Variants in NRG3 observed in about 807,000 individuals in gnomAD.
NRG3 encodes the protein neuregulin 3.
NRG3 carries 31 observed loss-of-function variants against 66.9 expected under a neutral mutation model. The observed-to-expected ratio is 0.46, with a 90% CI of 0.35 to 0.63. The LOEUF is 0.63. Among genes scored for constraint, NRG3 ranks in the 20% least tolerant of loss-of-function variants. NRG3 has a pLI of 0.00. For synonymous variants in NRG3, 393 were observed against 359.4 expected (o/e 1.09, Z -1.06); for missense variants, 910 against 878.9 (o/e 1.04, Z -0.45).
intron 3 of NRG3, among the ~76,000 whole-genome samples, chr10:82,784,853 G>A (rs1158043519): frequency 6.6e-6 from 1 of 152,012 alleles, no homozygotes; most frequent in Non-Finnish European, 1.5e-5. Flanking sequence ...TCCCATTACT[G>A]GGTATATACC....
intron 2 of NRG3, among the ~76,000 whole-genome samples, chr10:82,632,711 G>A (rs1243191104): frequency 6.6e-6 from 1 of 152,096 alleles, no homozygotes; most frequent in Non-Finnish European, 1.5e-5. Context: ...CAAAATACTT[G>A]TGAATCATAG....
chr10:82,465,163 A>G (rs1840557761), intron 2 of NRG3, among the ~76,000 whole-genome samples: 1 of 152,246 alleles, frequency 6.6e-6, no homozygotes, highest in Admixed American at 6.5e-5. Context: ...TATTAACTAA[A>G]TAACGGTGCT....
chr10:82,045,982 A>G (rs1589893599), intron 1 of NRG3, among the ~76,000 whole-genome samples: 2 of 150,630 alleles, frequency 1.3e-5, no homozygotes, highest in East Asian at 2.0e-4. Flanking sequence ...CTTGTAGTAT[A>G]GTTTGAAGTC....
intron 1 of NRG3, among the ~76,000 whole-genome samples, chr10:81,888,258 C>T (rs114944495): frequency 2.6e-5 from 4 of 152,062 alleles, no homozygotes; most frequent in Admixed American, 2.6e-4. Context: ...TGAGTGGACA[C>T]CTTGTATTTA....
At chr10:82,920,058 A>G (rs1322389161) in intron 4 of NRG3, among the ~76,000 whole-genome samples, 1 of 152,154 alleles carries the variant, frequency 6.6e-6, no homozygotes, top group African/African-American at 2.4e-5. Context: ...TCATTCCCAT[A>G]CTTATGACAT....
intron 2 of NRG3, among the ~76,000 whole-genome samples, chr10:82,441,220 T>C (rs181319923): frequency 2.0e-5 from 3 of 152,334 alleles, no homozygotes; most frequent in East Asian, 3.9e-4. Flanking sequence ...GAGAAACATA[T>C]GTTAACTTTA....
intron 1 of NRG3, chr10:82,225,451 A>T (rs567537200): frequency 5.3e-5 from 8 of 151,984 alleles, no homozygotes; most frequent in South Asian, 2.1e-4. Context: ...GTAGAGGGTG[A>T]GAGGATGCTC....
At chr10:82,593,940 G>T (rs945412114) in intron 2 of NRG3, among the ~76,000 whole-genome samples, 8 of 151,906 alleles carry the variant, frequency 5.3e-5, no homozygotes, top group African/African-American at 1.5e-4. Flanking sequence ...ACCTTTAAAA[G>T]AATATTTTTT....
At chr10:82,903,728 G>T (rs2026494) in intron 4 of NRG3, among the ~76,000 whole-genome samples, 1 of 152,022 alleles carries the variant, frequency 6.6e-6, no homozygotes, top group African/African-American at 2.4e-5. Flanking sequence ...CCAAATATGT[G>T]TTAATCTACT....
At chr10:82,456,893 C>T (rs2091291674) in intron 2 of NRG3, among the ~76,000 whole-genome samples, 1 of 152,116 alleles carries the variant, frequency 6.6e-6, no homozygotes, top group South Asian at 2.1e-4. Context: ...TTGGTCCACG[C>T]CAGCATCCTT....
At chr10:82,529,646 A>G (rs1433477605) in intron 2 of NRG3, among the ~76,000 whole-genome samples, 4 of 152,176 alleles carry the variant, frequency 2.6e-5, no homozygotes, top group Admixed American at 6.6e-5. Flanking sequence ...GTACTTGAGC[A>G]AAATGTTTCT....
chr10:82,359,403 C>G (rs1245560659), intron 2 of NRG3, among the ~76,000 whole-genome samples: 1 of 152,126 alleles, frequency 6.6e-6, no homozygotes, highest in Non-Finnish European at 1.5e-5. Context: ...GAAACACTCT[C>G]CAGCAAGAAG....
rs144661644 is a variant in NRG3, at chr10:82,139,696, A to C, written c.824-219043A>C. ...CAACTAACTCTAAGCAAAAGTGAAT[A>C]GTACAGCACTATCAAGGTGTACACT... On this transcript the variant is annotated intron_variant, in intron 1 of 8. Coordinates refer to ENST00000372141, the MANE Select transcript of NRG3 (RefSeq NM_001010848.4). Among the ~76,000 whole-genome samples the C allele has an allele frequency of 7.2e-5, 11 of 152,322 alleles. No individual in the cohort carries two copies. The East Asian group carries it at 2.1e-3, about 29-fold the overall frequency.
intron 3 of NRG3, among the ~76,000 whole-genome samples, chr10:82,778,560 T>A (rs964052868): frequency 2.0e-5 from 3 of 152,126 alleles, no homozygotes. Context: ...GCCCCTACGA[T>A]CCAATTACCT....
intron 2 of NRG3, among the ~76,000 whole-genome samples, chr10:82,658,276 A>G (rs1039575988): frequency 6.6e-6 from 1 of 152,158 alleles, no homozygotes; most frequent in Admixed American, 6.5e-5. Context: ...GTAATTCAGT[A>G]TATGTACTAA....
chr10:82,198,366 T>TTA (rs2074562293), intron 1 of NRG3, among the ~76,000 whole-genome samples: 2 of 152,302 alleles, frequency 1.3e-5, no homozygotes, highest in East Asian at 3.9e-4. Context: ...TAAAAGATGG[T>TTA]TTAAAACAAG....
intron 1 of NRG3, among the ~76,000 whole-genome samples, chr10:82,302,448 A>T (rs182239213): frequency 6.6e-6 from 1 of 152,292 alleles, no homozygotes; most frequent in East Asian, 1.9e-4. Context: ...GAACAATAAT[A>T]GTATACTTTG....
intron 2 of NRG3, among the ~76,000 whole-genome samples, chr10:82,399,832 A>G (rs1047219111): frequency 2.6e-5 from 4 of 152,186 alleles, no homozygotes; most frequent in African/African-American, 4.8e-5. Context: ...AATCATCAAC[A>G]TGGTTGTTGG....
intron 1 of NRG3, among the ~76,000 whole-genome samples, chr10:81,988,000 G>T (rs1441767445): frequency 6.6e-6 from 1 of 152,162 alleles, no homozygotes; most frequent in East Asian, 1.9e-4. Flanking sequence ...TTTGGTTATT[G>T]TTGGAGAATA....
Sources: allele counts gnomAD v4.1 joint callset (sites outside exome capture counted in the v4.1 genomes callset), GRCh38; gene constraint gnomAD v4.1.1; transcripts MANE v1.5; gene names NCBI Gene and HGNC (gene_info 2026-07-23, HGNC 2026-07-21).